The following DLGAP4 variants were observed in gnomAD, a reference collection of about 807,000 sequenced individuals.
The protein encoded by DLGAP4 is disks large-associated protein 4.
Under a neutral mutation model 86.9 loss-of-function variants are expected in DLGAP4, and 18 were observed. That is an observed-to-expected ratio of 0.21 (90% CI 0.14 to 0.31). The LOEUF (loss-of-function observed/expected upper bound fraction) is 0.31, where lower values mean the gene tolerates loss of function less well. Among genes scored for constraint, DLGAP4 ranks in the 10% least tolerant of loss-of-function variants. The probability of loss-of-function intolerance (pLI) is 1.00; values close to 1 mark genes in which losing one functional copy is unlikely to be tolerated. For missense variants in DLGAP4, 1,085 were observed against 1,362.6 expected, an observed-to-expected ratio of 0.80 and a Z score of 3.21; for synonymous variants, 548 against 574.3, an observed-to-expected ratio of 0.95 and a Z score of 0.65.
intron 7 of DLGAP4, among the ~76,000 whole-genome samples, chr20:36,472,586 G>A (rs1338047110): frequency 6.6e-6 from 1 of 151,210 alleles, no homozygotes; most frequent in Non-Finnish European, 1.5e-5. Flanking sequence ...AGAAGTTGAA[G>A]ATCTCCTCCC....
intron 2 of DLGAP4, among the ~76,000 whole-genome samples, chr20:36,369,276 AT>A (rs1184698728): frequency 6.6e-6 from 1 of 151,876 alleles, no homozygotes; most frequent in Non-Finnish European, 1.5e-5. Context: ...ACAGTCATTT[AT>A]TTTTTTTAAT....
At chr20:36,468,315 G>T (rs750825406) in intron 7 of DLGAP4, among the ~76,000 whole-genome samples, 5 of 152,246 alleles carry the variant, frequency 3.3e-5, no homozygotes, top group Non-Finnish European at 7.3e-5. Context: ...CACCCACAAA[G>T]GCGGGAAGGG....
chr20:36,527,146 C>G lies in DLGAP4; in HGVS notation c.*115C>G. 1 of 1,162,066 alleles carries G rather than the reference C, an allele frequency of 8.6e-7. No individual in the cohort carries two copies. 72.0% of individuals were successfully genotyped at this position (1,162,066 alleles called of 1,614,324 possible). A position where few individuals can be genotyped will look rare whatever the true frequency, so the allele number is the denominator to read the frequency against. On this transcript the variant is annotated 3_prime_UTR_variant, in exon 13 of 13. Coordinates refer to ENST00000339266, the MANE Select transcript of DLGAP4 (RefSeq NM_001365621.2). ...GGTTATTCTGTCTAGAGACCCTGAG[C>G]CAACTTTCAAATTGACGCATACAAG...
chr20:36,345,717 G>A (rs2029916088), intron 1 of DLGAP4, among the ~76,000 whole-genome samples: 1 of 152,072 alleles, frequency 6.6e-6, no homozygotes. Flanking sequence ...CCACTGTAAG[G>A]GCTTTTCTTC....
chr20:36,387,031 A>G (rs888617804), intron 2 of DLGAP4, among the ~76,000 whole-genome samples: 1 of 152,194 alleles, frequency 6.6e-6, no homozygotes, highest in South Asian at 2.1e-4. Flanking sequence ...GTTCTCCACC[A>G]TGAAGATCTC....
chr20:36,485,437 G>A (rs932262910), intron 7 of DLGAP4, among the ~76,000 whole-genome samples: 2 of 151,884 alleles, frequency 1.3e-5, no homozygotes, highest in Non-Finnish European at 2.9e-5. Flanking sequence ...CTCTGACAAC[G>A]CTGGGCCCAG....
chr20:36,427,647 A>T (rs890099341), intron 2 of DLGAP4, among the ~76,000 whole-genome samples: 54 of 151,806 alleles, frequency 3.6e-4, no homozygotes, highest in African/African-American at 8.2e-4. Context: ...GTTTTTTTTT[A>T]AAAAAGGAAA....
intron 10 of DLGAP4, among the ~76,000 whole-genome samples, chr20:36,518,733 C>A (rs529827523): frequency 6.6e-6 from 1 of 152,224 alleles, no homozygotes; most frequent in Admixed American, 6.5e-5. Flanking sequence ...CTTTGAAAGG[C>A]TGAGGCAGGA....
rs1241618295 is a variant in DLGAP4 at position 36,527,275 on chromosome 20, T to TC, written c.*246dup. 4 of 405,122 alleles carry TC rather than the reference T, an allele frequency of 9.9e-6. No homozygotes were observed. The highest frequency in any genetic ancestry group is 7.2e-4 in the Middle Eastern group (1 of 1,382). 25.1% of individuals were successfully genotyped at this position (405,122 alleles called of 1,614,324 possible). The stretch of plus-strand genomic sequence containing the variant: ...TCACGAAACTAGAAAACTTTTTTTT[T>TC]CCTCTTGCTGGCCGTGGTGGACTAG... On this transcript the variant is annotated 3_prime_UTR_variant, in exon 13 of 13. Transcript: ENST00000339266.
At chr20:36,499,365 A>ACCTGCCCGCCCGCCCG (rs751202089) in intron 8 of DLGAP4, 6 of 942,900 alleles carry the variant, frequency 6.4e-6, no homozygotes, top group African/African-American at 3.9e-5. Flanking sequence ...CCTCCCGCCC[A>ACCTGCCCGCCCGCCCG]CCTGCCCGCC....
intron 4 of DLGAP4, among the ~76,000 whole-genome samples, 170 bp from the exon 5 acceptor site, chr20:36,439,584 A>C (rs1378688601): frequency 6.6e-6 from 1 of 152,258 alleles, no homozygotes; most frequent in African/African-American, 2.4e-5. Flanking sequence ...AGAATTGGGC[A>C]GGGCCAGCCT....
rs757008174 is a variant in DLGAP4 at position 36,528,509 on chromosome 20, G to T, written c.*1478G>T. 1 of 148,382 alleles carries T rather than the reference G, an allele frequency of 6.7e-6. No homozygotes were observed. The highest frequency in any genetic ancestry group is 6.9e-5 in the Admixed American group (1 of 14,552). The allele number at this position is 148,382 out of a possible 1,614,324, so 9.2% of individuals were successfully genotyped here. ...GGGGCCCATTTCCAGCTTGGCCGCC[G>T]TCTGTGACCTTGGGCAAGTCACTTG... is the stretch of plus-strand genomic sequence containing the variant. On this transcript the variant is annotated 3_prime_UTR_variant, in exon 13 of 13. Transcript: ENST00000339266.
chr20:36,359,645 G>T (rs563776112), intron 1 of DLGAP4, among the ~76,000 whole-genome samples: 17 of 152,164 alleles, frequency 1.1e-4, no homozygotes, highest in African/African-American at 4.1e-4. Flanking sequence ...CAAAGCTGTG[G>T]GTTCAAGGAG....
chr20:36,429,521 C>T (rs749260480), intron 2 of DLGAP4, among the ~76,000 whole-genome samples: 1 of 150,910 alleles, frequency 6.6e-6, no homozygotes, highest in African/African-American at 2.4e-5. Context: ...TCTCCAGAAG[C>T]CTCAGCCTCC....
chr20:36,522,857 TTG>T (rs2037463199), intron 10 of DLGAP4, among the ~76,000 whole-genome samples: 1 of 151,996 alleles, frequency 6.6e-6, no homozygotes. Context: ...CCAGCACCTT[TTG>T]TGTGTGGTGG....
At chr20:36,335,293 A>G (rs2065310534) in intron 1 of DLGAP4, among the ~76,000 whole-genome samples, 1 of 152,120 alleles carries the variant, frequency 6.6e-6, no homozygotes, top group Non-Finnish European at 1.5e-5. Flanking sequence ...TGATTTGTAA[A>G]TGGACCTGTT....
chr20:36,500,258 A>T lies in DLGAP4; in HGVS notation c.2159A>T (p.Asp720Val), dbSNP rs2036083453. The change falls in exon 10 of 13, where the codon GAT (aspartate) becomes GTT (valine). Residue 720 changes from aspartate to valine, a missense_variant. Asp to Val is a radical substitution (Grantham distance 152). Around this residue, in one of 2 missense-constraint regions of DLGAP4, gnomAD observed 1,082 missense variants for 1,344.1 expected, o/e 0.81. Transcript: ENST00000339266. This position sits in a 1 kb window ranked among gnomAD's most constrained non-coding sequence, Gnocchi z 4.6. ...SRRDTDSDTQ[D>V]ANDSSCKSSE... The stretch of plus-strand genomic sequence containing the variant: ...CGGGACACAGACTCGGATACCCAGG[A>T]TGCCAATGACTCAAGCTGTAAGTCA... 6.2e-7 allele frequency: 1 copy of T among 1,610,284 alleles called. No individual in the cohort carries two copies. Among genetic ancestry groups the T allele is most frequent in the African/African-American group, 1.3e-5 (1 of 74,486 alleles).
chr20:36,461,744 T>TCTGTCCGC (rs2034078355), intron 7 of DLGAP4: 1 of 898,608 alleles, frequency 1.1e-6, no homozygotes, highest in African/African-American at 2.4e-5. Flanking sequence ...CGTCCGTCCG[T>TCTGTCCGC]CCGTCCGCCC....
At chr20:36,362,159 C>T (rs1278485509) in intron 1 of DLGAP4, among the ~76,000 whole-genome samples, 1 of 151,760 alleles carries the variant, frequency 6.6e-6, no homozygotes, top group Non-Finnish European at 1.5e-5. Flanking sequence ...ACTTGGGAGG[C>T]TGAGGCACAA....
Sources: allele counts gnomAD v4.1 joint callset (sites outside exome capture counted in the v4.1 genomes callset), GRCh38; gene constraint gnomAD v4.1.1; regional missense constraint gnomAD v4.1.1; non-coding constraint Gnocchi (gnomAD v3.1); transcripts MANE v1.5; gene names NCBI Gene and HGNC (gene_info 2026-07-23, HGNC 2026-07-21).